The following GSG1L variants were observed in gnomAD, a reference collection of about 807,000 sequenced individuals.
GSG1L encodes germ cell-specific gene 1-like protein.
Under a neutral mutation model 42.1 loss-of-function variants are expected in GSG1L, and 24 were observed. That is an observed-to-expected ratio of 0.57 (90% CI 0.41 to 0.80). The LOEUF is 0.80. Among genes scored for constraint, GSG1L ranks in the 30% least tolerant of loss-of-function variants. GSG1L has a pLI of 0.00. For missense variants in GSG1L, 445 were observed against 472.2 expected (o/e 0.94, Z 0.53); for synonymous variants, 215 against 203.5 (o/e 1.06, Z -0.48).
At chr16:28,061,274 G>A (rs774323958) in intron 1 of GSG1L, among the ~76,000 whole-genome samples, 8 of 152,250 alleles carry the variant, frequency 5.3e-5, no homozygotes, top group Non-Finnish European at 1.2e-4. Flanking sequence ...GGGCTGTGCG[G>A]AAGGCAGGGA....
rs1390492402 is a variant in GSG1L at position 27,914,028 on chromosome 16, A to T, written c.398-29390T>A. ...ACGCATATGTAAGTTTCCTCCGTCTATAACCAGGAGCTTGCAGATCATGCA... is the reference window on the plus strand; with the variant it reads ...ACGCATATGTAAGTTTCCTCCGTCTTTAACCAGGAGCTTGCAGATCATGCA... On this transcript the variant is annotated intron_variant, in intron 2 of 6. Coordinates refer to ENST00000447459, the MANE Select transcript of GSG1L (RefSeq NM_001109763.2). Among the ~76,000 whole-genome samples, 5 of 151,536 alleles carry T rather than the reference A, an allele frequency of 3.3e-5. 1 individual carries two copies. In the South Asian group the frequency reaches 6.3e-4, roughly 19 times the overall value.
intron 2 of GSG1L, among the ~76,000 whole-genome samples, chr16:27,906,328 G>C (rs1176269081): frequency 1.3e-5 from 2 of 152,066 alleles, no homozygotes; most frequent in African/African-American, 4.8e-5. Context: ...GCGACGGGAG[G>C]GTGGGTTTCC....
chr16:27,868,254 C>T (rs560055517), intron 3 of GSG1L, among the ~76,000 whole-genome samples: 4 of 152,248 alleles, frequency 2.6e-5, no homozygotes, highest in African/African-American at 9.6e-5. Context: ...TGTCCCACCT[C>T]CCGAAGACTC....
At chr16:27,926,403 C>T (rs997682082) in intron 2 of GSG1L, among the ~76,000 whole-genome samples, 4 of 152,116 alleles carry the variant, frequency 2.6e-5, no homozygotes, top group African/African-American at 4.8e-5. Context: ...GGCACAGTGG[C>T]TCATGCCTGA....
chr16:27,888,418 TTC>T (rs1370299750), intron 2 of GSG1L, among the ~76,000 whole-genome samples: 3 of 17,892 alleles, frequency 1.7e-4, no homozygotes, highest in Non-Finnish European at 3.9e-4. Flanking sequence ...CTTTCTTTCT[TTC>T]TTTCTTTCTT....
At chr16:28,004,705 G>A (rs2085620446) in intron 1 of GSG1L, among the ~76,000 whole-genome samples, 1 of 152,064 alleles carries the variant, frequency 6.6e-6, no homozygotes, top group Admixed American at 6.6e-5. Flanking sequence ...TTAAACCCAG[G>A]AGGTGGAAGC....
In GSG1L at chr16:28,026,291, G is replaced by A. The variant is rs141959263; in HGVS notation, c.349+36785C>T. On this transcript the variant is annotated intron_variant, in intron 1 of 6. Coordinates refer to ENST00000447459, the MANE Select transcript of GSG1L (RefSeq NM_001109763.2). Reference sequence around the variant, plus strand: ...ACTGAATGAACAGCAGCAAGCTTAAGAGGAACCAGGAGAGGAGCCCCTTGA... The same window carrying A: ...ACTGAATGAACAGCAGCAAGCTTAAAAGGAACCAGGAGAGGAGCCCCTTGA... Among the ~76,000 whole-genome samples, 55 of 152,316 alleles carry A rather than the reference G, an allele frequency of 3.6e-4. 1 individual carries two copies. Among genetic ancestry groups the A allele is most frequent in the African/African-American group, 1.2e-3 (50 of 41,552 alleles).
At chr16:27,798,571 T>C (rs147534313) in intron 6 of GSG1L, among the ~76,000 whole-genome samples, 3 of 152,156 alleles carry the variant, frequency 2.0e-5, no homozygotes, top group African/African-American at 4.8e-5. Context: ...GGGTAAGGCA[T>C]GGAGCATCGC....
At chr16:27,997,533 G>A (rs956880957) in intron 1 of GSG1L, among the ~76,000 whole-genome samples, 6 of 151,646 alleles carry the variant, frequency 4.0e-5, no homozygotes, top group Non-Finnish European at 7.4e-5. Context: ...GATACTCCAG[G>A]ATAACCTCCC....
intron 3 of GSG1L, among the ~76,000 whole-genome samples, chr16:27,882,736 A>C (rs2083975066): frequency 6.6e-6 from 1 of 152,188 alleles, no homozygotes; most frequent in Admixed American, 6.5e-5. Context: ...CCCCTCCTGC[A>C]GAGCTGTTAA....
At chr16:28,062,391 G>C (rs891824026) in intron 1 of GSG1L, among the ~76,000 whole-genome samples, 1 of 152,160 alleles carries the variant, frequency 6.6e-6, no homozygotes, top group African/African-American at 2.4e-5. Flanking sequence ...TGGACTCCTC[G>C]ACCCGGAGTT....
chr16:28,013,179 A>G (rs539316512), intron 1 of GSG1L, among the ~76,000 whole-genome samples: 92 of 150,612 alleles, frequency 6.1e-4, no homozygotes, highest in African/African-American at 2.1e-3. Flanking sequence ...AGCTTTCACC[A>G]TTGCACTCCA....
At chr16:27,977,406 T>C (rs1374652280) in intron 1 of GSG1L, among the ~76,000 whole-genome samples, 1 of 151,934 alleles carries the variant, frequency 6.6e-6, no homozygotes, top group Non-Finnish European at 1.5e-5. Context: ...ACCCTGTCTC[T>C]ACTAAAAATA....
chr16:27,906,721 A>G (rs2084324862), intron 2 of GSG1L, among the ~76,000 whole-genome samples: 1 of 152,064 alleles, frequency 6.6e-6, no homozygotes, highest in Admixed American at 6.5e-5. Context: ...TCCCCTGGCC[A>G]CGCCCCATTC....
chr16:28,029,640 GTAGA>G (rs996836547), intron 1 of GSG1L, among the ~76,000 whole-genome samples: 13 of 152,084 alleles, frequency 8.5e-5, no homozygotes, highest in African/African-American at 1.4e-4. Flanking sequence ...TGGATCATGG[GTAGA>G]TAGATGGATG....
intron 1 of GSG1L, among the ~76,000 whole-genome samples, chr16:27,975,650 A>G (rs2085242570): frequency 1.3e-5 from 2 of 152,200 alleles, no homozygotes; most frequent in Admixed American, 1.3e-4. Context: ...CTGAGAATTC[A>G]TATTCTATCT....
At chr16:27,918,982 C>G (rs1366599716) in intron 2 of GSG1L, among the ~76,000 whole-genome samples, 1 of 152,140 alleles carries the variant, frequency 6.6e-6, no homozygotes, top group Admixed American at 6.5e-5. Flanking sequence ...TGGGAGACGC[C>G]TCACAATCCT....
chr16:27,965,998 C>T (rs1391170001), intron 1 of GSG1L, among the ~76,000 whole-genome samples: 1 of 152,212 alleles, frequency 6.6e-6, no homozygotes, highest in African/African-American at 2.4e-5. Context: ...CCCTTGCTCA[C>T]TCCACTCCTG....
intron 3 of GSG1L, among the ~76,000 whole-genome samples, chr16:27,870,243 CTCTCTG>C (rs1048447762): frequency 1.3e-5 from 2 of 148,412 alleles, no homozygotes; most frequent in Non-Finnish European, 3.0e-5. Flanking sequence ...CTCTCCATCT[CTCTCTG>C]TCTCTGTCTC....
Sources: gnomAD v4.1 joint callset for allele counts (sites outside exome capture counted in the v4.1 genomes callset) on GRCh38, gnomAD v4.1.1 for gene constraint, MANE v1.5 for transcripts, NCBI Gene and HGNC (gene_info 2026-07-23, HGNC 2026-07-21) for gene names.